PFDN2: variants seen among roughly 807,000 people sequenced by gnomAD.
PFDN2 encodes the protein prefoldin subunit 2, also known as prefoldin 2.
In PFDN2, 7 loss-of-function variants were observed where a neutral mutation model predicts 18.3. That is an observed-to-expected ratio of 0.38 (90% CI 0.22 to 0.72). The LOEUF (loss-of-function observed/expected upper bound fraction) is 0.72, where lower values mean the gene tolerates loss of function less well. Ranked by LOEUF, PFDN2 falls within the 30% of genes least tolerant of loss-of-function variation. The pLI is 0.47. For synonymous variants in PFDN2, 76 were observed against 75.0 expected (o/e 1.01, Z -0.07); for missense variants, 181 against 199.1 (o/e 0.91, Z 0.55).
rs1405501810 is a variant in PFDN2, at chr1:161,117,860, G to A, written c.75+92C>T. 8.8e-6 allele frequency: 10 copies of A among 1,131,776 alleles called. No individual in the cohort carries two copies. The African/African-American group carries it at 9.5e-5, about 11-fold the overall frequency. The allele number at this position is 1,131,776 out of a possible 1,614,324, so 70.1% of individuals were successfully genotyped here. On this transcript the variant is annotated intron_variant, in intron 1 of 3. Transcript: ENST00000368010. ...CTAGGTGCCACGCACATGTGGTGCT[G>A]GAGTAAAGGCCTGCACAAGCCACAG... is the stretch of plus-strand genomic sequence containing the variant.
intron 1 of PFDN2, among the ~76,000 whole-genome samples, chr1:161,115,047 TAAAC>T (rs1246369316): frequency 6.6e-6 from 1 of 152,182 alleles, no homozygotes; most frequent in African/African-American, 2.4e-5. Context: ...ATTCCAGAAA[TAAAC>T]AATTCATACT....
At chr1:161,115,404 C>T (rs999064457) in intron 1 of PFDN2, among the ~76,000 whole-genome samples, 8 of 152,168 alleles carry the variant, frequency 5.3e-5, no homozygotes, top group African/African-American at 1.9e-4. Flanking sequence ...TTGTGAATAG[C>T]GTGATGAAAT....
At chr1:161,101,855 G>A (rs1654569414) in intron 3 of PFDN2, among the ~76,000 whole-genome samples, 193 bp downstream of exon 3, 1 of 152,178 alleles carries the variant, frequency 6.6e-6, no homozygotes, top group Non-Finnish European at 1.5e-5. Context: ...TTAGGCTCAG[G>A]TGAGTAGCTG....
chr1:161,108,413 G>A (rs951798736), intron 1 of PFDN2, among the ~76,000 whole-genome samples: 13 of 148,182 alleles, frequency 8.8e-5, no homozygotes, highest in South Asian at 6.4e-4. Context: ...AGCCAAGATC[G>A]CACCATTACA....
At chr1:161,111,584 G>C (rs141036059) in intron 1 of PFDN2, among the ~76,000 whole-genome samples, 44 of 152,310 alleles carry the variant, frequency 2.9e-4, no homozygotes, top group African/African-American at 1.0e-3. Flanking sequence ...GATAATGCCA[G>C]TTGAGAATCA....
chr1:161,107,846 G>C (rs76536611), intron 1 of PFDN2, among the ~76,000 whole-genome samples: 1 of 151,190 alleles, frequency 6.6e-6, no homozygotes, highest in Non-Finnish European at 1.5e-5. Context: ...AGGCGTGCTG[G>C]CTCACACCTG....
intron 1 of PFDN2, among the ~76,000 whole-genome samples, chr1:161,105,308 G>T (rs1654656281): frequency 6.6e-6 from 1 of 151,592 alleles, no homozygotes; most frequent in Non-Finnish European, 1.5e-5. Flanking sequence ...TAGAGACAGG[G>T]TCTCACCATG....
intron 1 of PFDN2, among the ~76,000 whole-genome samples, chr1:161,115,958 C>T (rs529840349): frequency 1.8e-4 from 27 of 152,148 alleles, no homozygotes; most frequent in Non-Finnish European, 3.1e-4. Flanking sequence ...CAAGGTGGCT[C>T]ACACCTGCAA....
In PFDN2 at chr1:161,117,936, G is replaced by A; in HGVS notation, c.75+16C>T. ...GACCCAGGTGGGTACCCTGCTTCGCGTTAGCCACTCCTCACCTGCTCTGCG... is the reference window on the plus strand; with the variant it reads ...GACCCAGGTGGGTACCCTGCTTCGCATTAGCCACTCCTCACCTGCTCTGCG... On this transcript the variant is annotated intron_variant, in intron 1 of 3. Coordinates refer to ENST00000368010, the MANE Select transcript of PFDN2 (RefSeq NM_012394.4). 2 of 1,603,088 alleles carry A rather than the reference G, an allele frequency of 1.2e-6. No individual in the cohort carries two copies. Among genetic ancestry groups the A allele is most frequent in the Non-Finnish European group, 1.7e-6 (2 of 1,174,046 alleles).
intron 1 of PFDN2, among the ~76,000 whole-genome samples, chr1:161,110,766 C>T (rs1450510538): frequency 2.0e-5 from 3 of 150,792 alleles, no homozygotes; most frequent in Non-Finnish European, 4.4e-5. Context: ...AAGAAAACTT[C>T]TTTGACCTTA....
Position 161,100,679 on chromosome 1 carries a change from G to C in PFDN2, c.*4C>G. On this transcript the variant is annotated 3_prime_UTR_variant, in exon 4 of 4. Transcript: ENST00000368010. ...GGTAGAAAAAAATGCAAAGGCCTTG[G>C]TCCCTAGGAGACCAACACTCCAGCT... 1 of 1,605,740 alleles carries C rather than the reference G, an allele frequency of 6.2e-7. No homozygotes were observed. The highest frequency in any genetic ancestry group is 8.5e-7 in the Non-Finnish European group (1 of 1,175,636).
intron 1 of PFDN2, among the ~76,000 whole-genome samples, chr1:161,117,047 A>G (rs575683549): frequency 9.7e-4 from 148 of 151,880 alleles, no homozygotes; most frequent in African/African-American, 3.4e-3. Context: ...AGCCTGGCCA[A>G]TATGGTGAAA....
In PFDN2 at chr1:161,101,140, C is replaced by T. The variant is rs893002729; in HGVS notation, c.289-281G>A. On this transcript the variant is annotated intron_variant, in intron 3 of 3. Coordinates refer to ENST00000368010, the MANE Select transcript of PFDN2 (RefSeq NM_012394.4). Reference sequence around the variant, plus strand: ...TCTGCCTCAAGCAGTCCTCCTGCCTCGGTCTCCCAAAGCGCTAGGAATACA... The same window carrying T: ...TCTGCCTCAAGCAGTCCTCCTGCCTTGGTCTCCCAAAGCGCTAGGAATACA... Among the ~76,000 whole-genome samples the T allele has an allele frequency of 1.2e-4, 19 of 152,114 alleles. 1 individual carries two copies. Among genetic ancestry groups the T allele is most frequent in the African/African-American group, 3.9e-4 (16 of 41,408 alleles).
chr1:161,110,605 T>C (rs368479575), intron 1 of PFDN2, among the ~76,000 whole-genome samples: 14 of 152,296 alleles, frequency 9.2e-5, no homozygotes, highest in Middle Eastern at 6.8e-3. Context: ...ACATGACATT[T>C]ACTCTTACTG....
intron 1 of PFDN2, 90 bp from the exon 2 acceptor site, chr1:161,102,465 G>T (rs1291945578): frequency 3.4e-6 from 3 of 888,726 alleles, no homozygotes; most frequent in Non-Finnish European, 5.5e-6. Flanking sequence ...TTACAAAGGT[G>T]CAGTAGTGGG....
At chr1:161,117,903 G>A in intron 1 of PFDN2, 49 bp downstream of exon 1, 1 of 1,489,470 alleles carries the variant, frequency 6.7e-7, no homozygotes, top group Non-Finnish European at 9.2e-7. Flanking sequence ...CTTCTCGCTA[G>A]TATTCCAGAC....
At chr1:161,110,807 T>G (rs896930064) in intron 1 of PFDN2, among the ~76,000 whole-genome samples, 1 of 151,486 alleles carries the variant, frequency 6.6e-6, no homozygotes, top group Admixed American at 6.6e-5. Flanking sequence ...ACTCATCCCT[T>G]CTCTTCATGA....
rs1463592249 is a variant in PFDN2 at position 161,102,316 on chromosome 1, A to G, written c.135T>C (p.Ala45=). The G allele has an allele frequency of 1.2e-6, 2 of 1,614,054 alleles. No individual in the cohort carries two copies. The highest frequency in any genetic ancestry group is 2.7e-5 in the African/African-American group (2 of 74,914). ...QEQRGLASKA[A]ELEMELNEHS... is the part of the protein sequence containing the mutation. Reference sequence around the variant, plus strand: ...GCTCATTCAACTCCATCTCCAACTCAGCTGCTTTGGATGCCAGGCCTCGCT... The same window carrying G: ...GCTCATTCAACTCCATCTCCAACTCGGCTGCTTTGGATGCCAGGCCTCGCT... Residue 45 remains alanine (A), a synonymous_variant, in exon 2 of 4, where the codon GCT becomes GCC. Transcript: ENST00000368010.
intron 1 of PFDN2, among the ~76,000 whole-genome samples, chr1:161,103,052 T>G (rs1433824524): frequency 6.6e-6 from 1 of 151,886 alleles, no homozygotes. Context: ...GGCTTTGTAA[T>G]GAGTAACTTT....
Sources: gnomAD v4.1 joint callset for allele counts (sites outside exome capture counted in the v4.1 genomes callset) on GRCh38, gnomAD v4.1.1 for gene constraint, MANE v1.5 for transcripts, NCBI Gene and HGNC (gene_info 2026-07-23, HGNC 2026-07-21) for gene names.